RGS12: variants seen among roughly 807,000 people sequenced by gnomAD.
RGS12 encodes the protein regulator of G protein signaling 12.
In RGS12, 66 loss-of-function variants were observed where a neutral mutation model predicts 120.1. That is an observed-to-expected ratio of 0.55 (90% CI 0.45 to 0.67). The LOEUF is 0.67. Ranked by LOEUF, RGS12 falls within the 30% of genes least tolerant of loss-of-function variation. RGS12 has a pLI of 0.00. For missense variants in RGS12, 1,859 were observed against 1,957.7 expected (o/e 0.95, Z 0.95); for synonymous variants, 827 against 804.7 (o/e 1.03, Z -0.47).
intron 3 of RGS12, among the ~76,000 whole-genome samples, chr4:3,379,043 G>GTGTGTGTGTA (rs1366554186): frequency 4.4e-5 from 6 of 135,268 alleles, no homozygotes; most frequent in African/African-American, 1.6e-4. Context: ...GTGTGTGTGT[G>GTGTGTGTGTA]TGTTTAGAGA....
chr4:3,379,937 G>T (rs898652452), intron 3 of RGS12, among the ~76,000 whole-genome samples: 9 of 152,156 alleles, frequency 5.9e-5, no homozygotes, highest in Non-Finnish European at 1.3e-4. Context: ...ACACAATCAT[G>T]CCCTTCCAAC....
At chr4:3,416,339 A>G (rs190484051) in intron 7 of RGS12, among the ~76,000 whole-genome samples, 2 of 152,292 alleles carry the variant, frequency 1.3e-5, no homozygotes, top group South Asian at 2.1e-4. Context: ...GTCCCGAACC[A>G]CTGCGTGTCT....
intron 1 of RGS12, among the ~76,000 whole-genome samples, chr4:3,303,369 A>G (rs966542565): frequency 9.2e-5 from 14 of 152,220 alleles, no homozygotes; most frequent in Non-Finnish European, 1.9e-4. Context: ...GGATGGGGAC[A>G]CAGGTGACAG....
chr4:3,327,467 A>G (rs1373636083), intron 2 of RGS12, among the ~76,000 whole-genome samples: 1 of 152,254 alleles, frequency 6.6e-6, no homozygotes, highest in Non-Finnish European at 1.5e-5. Flanking sequence ...CAGCAAAAGA[A>G]ATAATCAACA....
intron 6 of RGS12, 47 bp from the exon 7 acceptor site, chr4:3,415,931 C>T (rs763251116): frequency 1.2e-5 from 19 of 1,563,334 alleles, no homozygotes; most frequent in African/African-American, 4.1e-5. Context: ...AGCAGGAGTG[C>T]GGGGAGAGGA....
At chr4:3,419,758 CT>C (rs1560167269) in intron 9 of RGS12, among the ~76,000 whole-genome samples, 1 of 151,868 alleles carries the variant, frequency 6.6e-6, no homozygotes, top group East Asian at 1.9e-4. Context: ...GAGTTGGAGG[CT>C]GCAGTGAGCT....
chr4:3,371,422 C>T (rs1190000895), intron 3 of RGS12, among the ~76,000 whole-genome samples: 1 of 152,202 alleles, frequency 6.6e-6, no homozygotes, highest in Non-Finnish European at 1.5e-5. Flanking sequence ...TATTTGTAGG[C>T]AGCACTTTCA....
chr4:3,379,005 A>ATGTGTGTG (rs3138719), intron 3 of RGS12, among the ~76,000 whole-genome samples: 274 of 146,562 alleles, frequency 1.9e-3, no homozygotes, highest in African/African-American at 4.3e-3. Flanking sequence ...GAAATGTGCG[A>ATGTGTGTG]TGTGTGTGTG....
intron 3 of RGS12, among the ~76,000 whole-genome samples, chr4:3,383,601 C>G (rs1388232320): frequency 1.4e-5 from 2 of 145,064 alleles, no homozygotes; most frequent in African/African-American, 5.0e-5. Flanking sequence ...GCGAGACTGT[C>G]AAAAAAAAAA....
At chr4:3,350,401 G>C (rs1248797655) in intron 3 of RGS12, among the ~76,000 whole-genome samples, 2 of 152,192 alleles carry the variant, frequency 1.3e-5, no homozygotes, top group East Asian at 1.9e-4. Context: ...ACTTAAGTCA[G>C]CTGGGTGTGG....
chr4:3,317,988 C>T lies in RGS12; in HGVS notation c.1818C>T (p.Ala606=), dbSNP rs1724913239. ...NAPKREWSRK[A]FGMQSIFGPH... is the part of the protein sequence containing the mutation. ...CGAAGAGGGAGTGGTCCAGGAAGGC[C>T]TTTGGAATGCAAAGCATTTTTGGTC... Residue 606 remains alanine, a synonymous_variant, in exon 2 of 18, where the codon GCC becomes GCT. Transcript: ENST00000336727. 1 of 1,611,670 alleles carries T rather than the reference C, an allele frequency of 6.2e-7. No individual in the cohort carries two copies. The highest frequency in any genetic ancestry group is 8.5e-7 in the Non-Finnish European group (1 of 1,178,874).
chr4:3,397,522 C>T (rs937171969), intron 4 of RGS12, among the ~76,000 whole-genome samples: 5 of 152,140 alleles, frequency 3.3e-5, no homozygotes, highest in East Asian at 1.9e-4. Flanking sequence ...AGCAGTGGAA[C>T]GACGTGAGAG....
At chr4:3,333,135 G>A (rs933714464) in intron 2 of RGS12, among the ~76,000 whole-genome samples, 5 of 149,990 alleles carry the variant, frequency 3.3e-5, no homozygotes, top group Admixed American at 6.7e-5. Context: ...TGCAGGCTCC[G>A]TCCCCCAGGG....
chr4:3,377,681 T>G (rs1264037944), intron 3 of RGS12, among the ~76,000 whole-genome samples: 1 of 152,236 alleles, frequency 6.6e-6, no homozygotes, highest in Non-Finnish European at 1.5e-5. Context: ...TATAAATAAT[T>G]TAAAACTTTC....
intron 3 of RGS12, 50 bp downstream of exon 3, chr4:3,343,103 G>T (rs1250513680): frequency 1.4e-6 from 2 of 1,387,234 alleles, no homozygotes; most frequent in Non-Finnish European, 1.0e-6. Context: ...TTTAAAAAAT[G>T]CAAGTCCACC....
rs549817574 is a variant in RGS12, at chr4:3,389,864, C to A, written c.2020+3427C>A. Among the ~76,000 whole-genome samples the A allele has an allele frequency of 6.6e-6, 1 of 152,174 alleles. No individual in the cohort carries two copies. The highest frequency in any genetic ancestry group is 1.5e-5 in the Non-Finnish European group (1 of 68,028). ...CTTCTCAAACACTCCGTTCTCGCAG[C>A]CTCACCCTGGGGACCCCCGACACGT... On this transcript the variant is annotated intron_variant, in intron 4 of 17. Transcript: ENST00000336727. The surrounding 1 kb of genome is among the most constrained non-coding windows in gnomAD (Gnocchi z 5.2).
intron 4 of RGS12, among the ~76,000 whole-genome samples, chr4:3,387,796 C>A (rs1263838479): frequency 6.6e-6 from 1 of 152,214 alleles, no homozygotes; most frequent in Non-Finnish European, 1.5e-5. Flanking sequence ...ACATTCATTT[C>A]TTGCAGGCAA....
rs529121329 is a variant in RGS12 at position 3,365,645 on chromosome 4, C to T, written c.1999-20771C>T. 3.7e-4 allele frequency among the ~76,000 whole-genome samples: 56 copies of T among 152,292 alleles called. 1 individual carries two copies. The highest frequency in any genetic ancestry group is 1.3e-3 in the African/African-American group (52 of 41,546). On this transcript the variant is annotated intron_variant, in intron 3 of 17. Transcript: ENST00000336727. The surrounding 1 kb of genome is among the most constrained non-coding windows in gnomAD (Gnocchi z 4.0). ...CTCACCTCTGGGACGACGTGCCGCA[C>T]GTCACATTGTGTAGGAATGAGATCC...
At chr4:3,296,664 C>T (rs929995855) in intron 1 of RGS12, among the ~76,000 whole-genome samples, 1 of 152,242 alleles carries the variant, frequency 6.6e-6, no homozygotes, top group Non-Finnish European at 1.5e-5. Context: ...CACTTGTCTT[C>T]GAAATGACTT....
Sources: gnomAD v4.1 joint callset for allele counts (sites outside exome capture counted in the v4.1 genomes callset) on GRCh38, gnomAD v4.1.1 for gene constraint, Gnocchi (gnomAD v3.1) non-coding constraint, MANE v1.5 for transcripts, NCBI Gene and HGNC (gene_info 2026-07-23, HGNC 2026-07-21) for gene names.